The following ALG13 variants were observed in gnomAD, a reference collection of about 807,000 sequenced individuals.
ALG13 encodes the protein UDP-N-acetylglucosamine transferase subunit ALG13.
A neutral mutation model predicts 87.8 loss-of-function variants in ALG13; 11 were observed. The observed-to-expected ratio is 0.13, with a 90% CI of 0.08 to 0.21. The LOEUF is 0.21. ALG13 is among the 10% of genes least tolerant of loss of function. The pLI, the probability that ALG13 is intolerant of heterozygous loss-of-function variation, is 1.00. For missense variants in ALG13, 756 were observed against 866.1 expected (o/e 0.87, Z 1.60); for synonymous variants, 320 against 306.3 (o/e 1.04, Z -0.47).
At chrX:111,754,633 A>C (rs1945068759) in intron 25 of ALG13, among the ~76,000 whole-genome samples, 1 of 111,999 alleles carries the variant, frequency 8.9e-6, no homozygotes, top group African/African-American at 3.2e-5. Context: ...GCATGTCTAT[A>C]CACCAATAAT....
At chrX:111,704,581 A>C (rs750583150) in intron 3 of ALG13, among the ~76,000 whole-genome samples, 5 of 111,845 alleles carry the variant, frequency 4.5e-5, no homozygotes, top group African/African-American at 1.6e-4. Flanking sequence ...AGCGAGTGAC[A>C]CAAGACCACA....
intron 3 of ALG13, chrX:111,689,330 C>G: frequency 8.0e-6 from 6 of 753,548 alleles, no homozygotes; most frequent in Non-Finnish European, 9.4e-6. Flanking sequence ...ATACGTTTTT[C>G]TCATTTGAGA....
chrX:111,748,151 TTG>T (rs1485701422), intron 24 of ALG13, among the ~76,000 whole-genome samples: 1 of 112,740 alleles, frequency 8.9e-6, no homozygotes, highest in Non-Finnish European at 1.9e-5. Context: ...AGTTTACTTA[TTG>T]AGTTCTAAGA....
At chrX:111,734,846 G>A (rs1463657744) in intron 21 of ALG13, among the ~76,000 whole-genome samples, 3 of 111,699 alleles carry the variant, frequency 2.7e-5, no homozygotes, top group Non-Finnish European at 5.6e-5. Flanking sequence ...TGAGTTAGAT[G>A]TGTTGAGGAT....
intron 25 of ALG13, 195 bp downstream of exon 25, chrX:111,753,025 A>G (rs182215179): frequency 5.8e-5 from 21 of 362,984 alleles, no homozygotes; most frequent in African/African-American, 4.8e-4. Flanking sequence ...TCTCTTATAA[A>G]ATAGTCGTTA....
intron 3 of ALG13, chrX:111,686,019 AT>A (rs1396354864): frequency 6.9e-6 from 3 of 433,919 alleles, no homozygotes; most frequent in Admixed American, 5.8e-5. Flanking sequence ...CCATTGAAGT[AT>A]TTTAAGCAGA....
At chrX:111,691,361 A>G (rs1041441577) in intron 3 of ALG13, among the ~76,000 whole-genome samples, 3 of 111,511 alleles carry the variant, frequency 2.7e-5, no homozygotes, top group Non-Finnish European at 5.6e-5. Flanking sequence ...TTGGCCTCCA[A>G]AAGTGCTGGG....
In ALG13 at chrX:111,757,589, G is replaced by A. The variant is rs190790872; in HGVS notation, c.2975G>A (p.Cys992Tyr). The stretch of plus-strand genomic sequence containing the variant: ...TTTTGTTGCCCTTTCTTGCTCAAGT[G>A]CTATTACCACAGCTACTGGCACTCC... ...LQYYFNLGLQ[C>Y]YYHSYWHSMV... is the part of the protein sequence containing the mutation. Residue 992 changes from cysteine (C) to tyrosine (Y), a missense_variant and splice_region_variant, in exon 26 of 27, where the codon TGC (cysteine) becomes TAC (tyrosine). Cys to Tyr is a radical substitution (Grantham distance 194, BLOSUM62 -2). This residue lies in a region of ALG13 where 7 missense variants were observed against 28.9 expected (regional missense o/e 0.24). Coordinates refer to ENST00000394780, the MANE Select transcript of ALG13 (RefSeq NM_001099922.3). 48 of 1,192,706 alleles carry A rather than the reference G, an allele frequency of 4.0e-5. No individual in the cohort carries two copies. In the Admixed American group the frequency reaches 9.0e-4, roughly 22 times the overall value.
chrX:111,690,798 G>GAC (rs10639836), intron 3 of ALG13, among the ~76,000 whole-genome samples: 26,536 of 109,976 alleles, frequency 0.24, 7,847 homozygotes, highest in African/African-American at 0.83. Flanking sequence ...AGGCACAAAA[G>GAC]AGTACAAAAA....
intron 25 of ALG13, among the ~76,000 whole-genome samples, chrX:111,755,472 A>AG (rs1602972114): frequency 8.9e-6 from 1 of 112,471 alleles, no homozygotes; most frequent in African/African-American, 3.2e-5. Flanking sequence ...GCACAGAAAA[A>AG]GAACCTATCA....
rs985631837 is a variant in ALG13 at position 111,712,737 on chromosome X, T to G, written c.932+207T>G. 1.8e-4 allele frequency among the ~76,000 whole-genome samples: 20 copies of G among 111,952 alleles called. 1 individual carries two copies. Among genetic ancestry groups the G allele is most frequent in the Non-Finnish European group, 3.8e-5 (2 of 53,129 alleles). On this transcript the variant is annotated intron_variant, in intron 7 of 26. Coordinates refer to ENST00000394780, the MANE Select transcript of ALG13 (RefSeq NM_001099922.3). ...ATGGGATGGAAAAATTATATAAAAT[T>G]CAGATTTCAGTGTCTGTAAAGCTTT...
chrX:111,708,086 A>T lies in ALG13; in HGVS notation c.443A>T (p.Asp148Val). Residue 148 changes from aspartate (D) to valine (V), a missense_variant, in exon 4 of 27, where the codon GAT becomes GTT. This residue lies in a region of ALG13 where 153 missense variants were observed against 168.7 expected (regional missense o/e 0.91). Coordinates refer to ENST00000394780, the MANE Select transcript of ALG13 (RefSeq NM_001099922.3). ...SIASAPGKCQ[D>V]SAALTSTAFS... The stretch of plus-strand genomic sequence containing the variant: ...GCTTCTGCTCCTGGGAAGTGCCAAG[A>T]TTCTGCAGCGCTGACTTCAACTGCC... 8.3e-7 allele frequency: 1 copy of T among 1,211,242 alleles called. No individual in the cohort carries two copies. Among genetic ancestry groups the T allele is most frequent in the Non-Finnish European group, 1.1e-6 (1 of 895,252 alleles).
At chrX:111,725,096 C>T (rs751243092) in intron 15 of ALG13, 35 bp downstream of exon 15, 4 of 1,194,385 alleles carry the variant, frequency 3.3e-6, no homozygotes, top group East Asian at 6.0e-5. Context: ...TTGTTTTTCC[C>T]TTCCTGTACC....
chrX:111,681,250 C>T lies in ALG13; in HGVS notation c.32C>T (p.Thr11Ile), dbSNP rs777383453. 8.3e-7 allele frequency: 1 copy of T among 1,211,155 alleles called. No homozygotes were observed. Among genetic ancestry groups the T allele is most frequent in the Non-Finnish European group, 1.1e-6 (1 of 895,388 alleles). MKCVFVTVGT[T>I]SFDDLIACVS... ...TGCGTGTTTGTTACCGTAGGGACCACCAGCTTTGACGACCTCATTGCGTGT... is the reference window on the plus strand; with the variant it reads ...TGCGTGTTTGTTACCGTAGGGACCATCAGCTTTGACGACCTCATTGCGTGT... Residue 11 changes from threonine to isoleucine, a missense_variant, in exon 1 of 27, where the codon ACC becomes ATC. Thr to Ile is a moderately conservative substitution (Grantham distance 89, BLOSUM62 -1). Transcript: ENST00000394780.
At chrX:111,723,404 C>A (rs1186852200) in intron 13 of ALG13, among the ~76,000 whole-genome samples, 1 of 110,130 alleles carries the variant, frequency 9.1e-6, no homozygotes, top group African/African-American at 3.3e-5. Flanking sequence ...TCCCAAAGTG[C>A]TGGGATTACA....
intron 3 of ALG13, chrX:111,687,912 A>G (rs1425602202): frequency 8.5e-7 from 1 of 1,174,192 alleles, no homozygotes; most frequent in African/African-American, 1.8e-5. Context: ...GTTACAGTCA[A>G]TGGACTTATC....
At chrX:111,692,592 G>A (rs1172078791) in intron 3 of ALG13, among the ~76,000 whole-genome samples, 1 of 111,392 alleles carries the variant, frequency 9.0e-6, no homozygotes, top group East Asian at 2.8e-4. Flanking sequence ...TGGTAAGTTT[G>A]TAGGATCAAG....
intron 4 of ALG13, 119 bp downstream of exon 4, chrX:111,708,512 C>CCGA: frequency 2.2e-6 from 2 of 889,733 alleles, no homozygotes; most frequent in Non-Finnish European, 3.1e-6. Flanking sequence ...AACATCGGGC[C>CCGA]TGTCAAGGTC....
At chrX:111,734,860 T>TACA (rs1943083154) in intron 21 of ALG13, among the ~76,000 whole-genome samples, 191 bp from the exon 22 acceptor site, 1 of 112,092 alleles carries the variant, frequency 8.9e-6, no homozygotes, top group Non-Finnish European at 1.9e-5. Flanking sequence ...TGAGGATTTC[T>TACA]GTAGATATGT....
Sources: gnomAD v4.1 joint callset for allele counts (sites outside exome capture counted in the v4.1 genomes callset) on GRCh38, gnomAD v4.1.1 for gene constraint, gnomAD v4.1.1 regional missense constraint, MANE v1.5 for transcripts, NCBI Gene and HGNC (gene_info 2026-07-23, HGNC 2026-07-21) for gene names.